The following MAGI2 variants were observed in gnomAD, a reference collection of about 807,000 sequenced individuals.
MAGI2 encodes the protein membrane associated guanylate kinase, WW and PDZ domain containing 2.
MAGI2 carries 35 observed loss-of-function variants against 133.3 expected under a neutral mutation model. That is an observed-to-expected ratio of 0.26 (90% CI 0.20 to 0.35). MAGI2 has a LOEUF of 0.35. MAGI2 is among the 10% of genes least tolerant of loss of function. The pLI, the probability that MAGI2 is intolerant of heterozygous loss-of-function variation, is 1.00. For synonymous variants in MAGI2, 729 were observed against 710.6 expected (o/e 1.03, Z -0.41); for missense variants, 1,636 against 1,863.4 (o/e 0.88, Z 2.25).
chr7:78,521,114 A>G (rs781195676), intron 4 of MAGI2, among the ~76,000 whole-genome samples: 2 of 152,098 alleles, frequency 1.3e-5, no homozygotes, highest in Non-Finnish European at 2.9e-5. Context: ...AGAAGTTTCA[A>G]TCATTCACTA....
At chr7:79,028,178 C>A (rs899597628) in intron 1 of MAGI2, among the ~76,000 whole-genome samples, 4 of 144,588 alleles carry the variant, frequency 2.8e-5, no homozygotes, top group Non-Finnish European at 4.5e-5. Context: ...CTCCACTGCA[C>A]TCCAGCCTGG....
At chr7:78,241,453 T>C (rs1384297306) in intron 10 of MAGI2, among the ~76,000 whole-genome samples, 1 of 152,104 alleles carries the variant, frequency 6.6e-6, no homozygotes, top group African/African-American at 2.4e-5. Context: ...GTCATTGATA[T>C]TTACTCAGAT....
chr7:78,677,662 C>G (rs1344143548), intron 2 of MAGI2, among the ~76,000 whole-genome samples: 4 of 151,972 alleles, frequency 2.6e-5, no homozygotes, highest in African/African-American at 7.3e-5. Flanking sequence ...AGAAGTCTTC[C>G]CATAAAAATT....
chr7:78,655,674 T>C (rs902866235), intron 2 of MAGI2, among the ~76,000 whole-genome samples: 1 of 151,976 alleles, frequency 6.6e-6, no homozygotes, highest in African/African-American at 2.4e-5. Context: ...TCAGAGAAGA[T>C]ATGTGTTTAG....
chr7:78,973,686 C>T (rs993360116), intron 2 of MAGI2, among the ~76,000 whole-genome samples: 3 of 151,728 alleles, frequency 2.0e-5, no homozygotes, highest in South Asian at 2.1e-4. Context: ...ATGAGGCCTG[C>T]GGAGAAAAGC....
chr7:79,043,314 G>A (rs1359888064), intron 1 of MAGI2, among the ~76,000 whole-genome samples: 1 of 151,868 alleles, frequency 6.6e-6, no homozygotes, highest in Non-Finnish European at 1.5e-5. Context: ...GGAGGCTGAG[G>A]TGGGTGGATC....
At chr7:79,073,435 T>G (rs1292750151) in intron 1 of MAGI2, among the ~76,000 whole-genome samples, 1 of 152,212 alleles carries the variant, frequency 6.6e-6, no homozygotes, top group Non-Finnish European at 1.5e-5. Flanking sequence ...ATTTTTATTC[T>G]CAAAATCATT....
intron 9 of MAGI2, among the ~76,000 whole-genome samples, chr7:78,324,827 A>T (rs966906024): frequency 6.6e-6 from 1 of 152,058 alleles, no homozygotes; most frequent in East Asian, 1.9e-4. Context: ...CTAGCTGGGC[A>T]TGGTGGCGGG....
chr7:78,498,348 C>G (rs73703434), intron 5 of MAGI2, among the ~76,000 whole-genome samples: 3,296 of 152,272 alleles, frequency 0.022, 63 homozygotes, highest in African/African-American at 0.046. Context: ...TCCCCAATCA[C>G]TGTCTCGTAT....
chr7:79,192,128 A>G (rs1827727438), intron 1 of MAGI2, among the ~76,000 whole-genome samples: 1 of 151,894 alleles, frequency 6.6e-6, no homozygotes, highest in Non-Finnish European at 1.5e-5. Flanking sequence ...ACCCCTACAC[A>G]TATCCAGTAT....
chr7:79,024,724 T>C (rs989716797), intron 1 of MAGI2, among the ~76,000 whole-genome samples: 2 of 151,994 alleles, frequency 1.3e-5, no homozygotes, highest in African/African-American at 2.4e-5. Flanking sequence ...GAAGAAGACA[T>C]ATGCATGGAC....
chr7:78,124,228 G>A (rs1183968676), intron 20 of MAGI2, among the ~76,000 whole-genome samples: 1 of 152,178 alleles, frequency 6.6e-6, no homozygotes, highest in Admixed American at 6.5e-5. Context: ...CTTATAGCAG[G>A]TTAAGAAAGT....
intron 1 of MAGI2, among the ~76,000 whole-genome samples, chr7:79,103,903 A>G (rs184413292): frequency 1.2e-3 from 187 of 151,880 alleles, no homozygotes; most frequent in African/African-American, 4.4e-3. Flanking sequence ...GGGTTTCACC[A>G]CGTTAGCCAG....
intron 2 of MAGI2, among the ~76,000 whole-genome samples, chr7:78,750,761 C>T (rs1043745068): frequency 3.9e-5 from 6 of 152,064 alleles, no homozygotes; most frequent in South Asian, 2.1e-4. Flanking sequence ...ATTAAATTTT[C>T]GCTCTTGCAA....
chr7:79,370,999 C>A (rs1048116600), intron 1 of MAGI2, among the ~76,000 whole-genome samples: 3 of 151,904 alleles, frequency 2.0e-5, no homozygotes, highest in African/African-American at 7.2e-5. Flanking sequence ...CTAGTCTAAT[C>A]AAAAATACTG....
intron 2 of MAGI2, chr7:78,946,951 TA>T (rs1563694087): frequency 6.6e-6 from 1 of 152,146 alleles, no homozygotes; most frequent in African/African-American, 2.4e-5. Context: ...CATCATATTC[TA>T]AGAGACAAAT....
chr7:79,353,698 A>G, intron 1 of MAGI2: 1 of 309,856 alleles, frequency 3.2e-6, no homozygotes, highest in Non-Finnish European at 6.5e-6. Flanking sequence ...CCTGGTCACC[A>G]TGTTGATTTG....
intron 3 of MAGI2, among the ~76,000 whole-genome samples, chr7:78,538,098 G>C (rs540509159): frequency 1.3e-5 from 2 of 152,168 alleles, no homozygotes; most frequent in South Asian, 4.2e-4. Context: ...CTTTCCCCCT[G>C]TATGTTTTCA....
At chr7:78,893,931 TTTACTCA>T (rs1236697086) in intron 2 of MAGI2, among the ~76,000 whole-genome samples, 5 of 152,284 alleles carry the variant, frequency 3.3e-5, no homozygotes, top group South Asian at 4.1e-4. Context: ...GTCTCTGATT[TTTACTCA>T]CTATAATATA....
Sources: allele counts gnomAD v4.1 joint callset (sites outside exome capture counted in the v4.1 genomes callset), GRCh38; gene constraint gnomAD v4.1.1; transcripts MANE v1.5; gene names NCBI Gene and HGNC (gene_info 2026-07-23, HGNC 2026-07-21).